The following EPB41L5 variants were observed in gnomAD, a reference collection of about 807,000 sequenced individuals.
EPB41L5 encodes band 4.1-like protein 5.
A neutral mutation model predicts 106.6 loss-of-function variants in EPB41L5; 55 were observed. The observed-to-expected ratio is 0.52, with a 90% confidence interval of 0.42 to 0.65. EPB41L5 has a LOEUF of 0.65. EPB41L5 is among the 30% of genes least tolerant of loss of function. EPB41L5 has a pLI of 0.00. For missense variants in EPB41L5, 871 were observed against 882.1 expected (o/e 0.99, Z 0.16); for synonymous variants, 297 against 306.7 (o/e 0.97, Z 0.33).
intron 16 of EPB41L5, among the ~76,000 whole-genome samples, chr2:120,122,636 T>C (rs1685273789): frequency 6.6e-6 from 1 of 152,226 alleles, no homozygotes; most frequent in African/African-American, 2.4e-5. Context: ...TTCTTTTTGC[T>C]TAGGATTGTC....
At chr2:120,112,701 G>C (rs535052308) in intron 16 of EPB41L5, among the ~76,000 whole-genome samples, 2 of 152,316 alleles carry the variant, frequency 1.3e-5, no homozygotes, top group South Asian at 4.1e-4. Context: ...CAGGAATGAT[G>C]AATCAGGTTT....
At chr2:120,161,080 A>C in intron 21 of EPB41L5, 106 bp downstream of exon 21, 1 of 797,496 alleles carries the variant, frequency 1.3e-6, no homozygotes, top group Non-Finnish European at 2.1e-6. Flanking sequence ...ACTGGGACTT[A>C]AGATGTGAGA....
intron 16 of EPB41L5, among the ~76,000 whole-genome samples, chr2:120,107,530 A>G (rs566981277): frequency 3.3e-5 from 5 of 152,214 alleles, no homozygotes; most frequent in Admixed American, 2.6e-4. Context: ...GCTTTTACAT[A>G]AGGGCTAGGA....
intron 2 of EPB41L5, among the ~76,000 whole-genome samples, chr2:120,030,505 C>T (rs1345433322): frequency 1.3e-5 from 2 of 152,160 alleles, no homozygotes; most frequent in Non-Finnish European, 1.5e-5. Flanking sequence ...CCATCTTCAA[C>T]CTGACCAGTC....
chr2:120,052,934 C>G (rs941458413), intron 3 of EPB41L5, among the ~76,000 whole-genome samples: 3 of 152,044 alleles, frequency 2.0e-5, no homozygotes, highest in Non-Finnish European at 2.9e-5. Flanking sequence ...ATTTGTAGTT[C>G]TCTTCTATAG....
chr2:120,164,880 G>A lies in EPB41L5; in HGVS notation c.1932G>A (p.Glu644=), dbSNP rs1265207411. 1.2e-6 allele frequency: 2 copies of A among 1,611,266 alleles called. No individual in the cohort carries two copies. Among genetic ancestry groups the A allele is most frequent in the Non-Finnish European group, 1.7e-6 (2 of 1,178,798 alleles). The part of the protein sequence containing the change: ...ELDALLASLT[E]NLIDHTVAPQ... ...ATGCCTTGCTTGCATCTCTAACTGA[G>A]AATCTAATTGATCACACAGTTGCAC... Residue 644 remains glutamate (E), a synonymous_variant, in exon 22 of 25, where the codon GAG becomes GAA. Transcript: ENST00000263713.
At chr2:120,017,711 T>C (rs546670856) in intron 1 of EPB41L5, among the ~76,000 whole-genome samples, 2 of 152,334 alleles carry the variant, frequency 1.3e-5, no homozygotes, top group Non-Finnish European at 2.9e-5. Context: ...TGACAAAACT[T>C]AGGAAATTTG....
intron 20 of EPB41L5, 57 bp downstream of exon 20, chr2:120,146,346 T>G: frequency 1.1e-5 from 14 of 1,318,170 alleles, no homozygotes; most frequent in Non-Finnish European, 1.4e-5. Context: ...TTGTCTTTTT[T>G]TTCTTCTCAG....
intron 16 of EPB41L5, among the ~76,000 whole-genome samples, chr2:120,103,339 C>G (rs1297082972): frequency 3.3e-5 from 5 of 152,102 alleles, no homozygotes; most frequent in African/African-American, 9.7e-5. Flanking sequence ...TTCTATAGGC[C>G]TTTTCTATAG....
chr2:120,110,263 C>CCTTCTAACACGCCATTGT (rs1447546118), intron 16 of EPB41L5, among the ~76,000 whole-genome samples: 5 of 152,176 alleles, frequency 3.3e-5, no homozygotes, highest in Admixed American at 1.3e-4. Context: ...TTCTAACCTC[C>CCTTCTAACACGCCATTGT]CTTCTAACAC....
At chr2:120,082,838 G>T (rs4849818) in intron 10 of EPB41L5, among the ~76,000 whole-genome samples, 94,416 of 151,878 alleles carry the variant, frequency 0.62, 31,115 homozygotes, top group Middle Eastern at 0.74. Context: ...TCTTGGGAGG[G>T]TGTATGTGTC....
rs1214961177 is a variant in EPB41L5, at chr2:120,019,253, G to A, written c.169G>A (p.Val57Met). The change falls in exon 2 of 25, where the codon GTG (valine) becomes ATG (methionine). Residue 57 changes from valine (V) to methionine (M), a missense_variant. By Grantham distance (21) the Val-to-Met change is conservative. Coordinates refer to ENST00000263713, the MANE Select transcript of EPB41L5 (RefSeq NM_020909.4). ...CCTTCTGGATGGTACTGATGTTAGT[G>A]TGGACTTGCCAGTAAGTAGGTCTTG... ...VSLLDGTDVS[V>M]DLPKKAKGQE... is the part of the protein sequence containing the mutation. 4 of 1,608,322 alleles carry A rather than the reference G, an allele frequency of 2.5e-6. No homozygotes were observed. The African/African-American group carries it at 4.0e-5, about 16-fold the overall frequency.
chr2:120,127,595 TGTG>T lies in EPB41L5; in HGVS notation c.1338-88_1338-86del, dbSNP rs1436158455. ...ATTCATGGTTGCTTGAATTCACAGA[TGTG>T]GTGGAAATTGCAGATACAGAGGGTG... On this transcript the variant is annotated intron_variant, in intron 16 of 24. Coordinates refer to ENST00000263713, the MANE Select transcript of EPB41L5 (RefSeq NM_020909.4). 6.3e-6 allele frequency: 6 copies of T among 954,782 alleles called. No individual in the cohort carries two copies. The Admixed American group carries it at 7.7e-5, about 12-fold the overall frequency. 59.1% of individuals were successfully genotyped at this position (954,782 alleles called of 1,614,324 possible). A position where few individuals can be genotyped will look rare whatever the true frequency, so the allele number is the denominator to read the frequency against.
chr2:120,025,368 A>G (rs1678232516), intron 2 of EPB41L5, among the ~76,000 whole-genome samples: 1 of 151,590 alleles, frequency 6.6e-6, no homozygotes. Context: ...CATTGTGTCT[A>G]TTTGATTTTT....
chr2:120,089,968 C>T (rs904196721), intron 11 of EPB41L5, among the ~76,000 whole-genome samples: 1 of 151,992 alleles, frequency 6.6e-6, no homozygotes, highest in African/African-American at 2.4e-5. Context: ...TAATTAGACT[C>T]ATGGCAGTGT....
chr2:120,084,648 T>G (rs1224056872), intron 10 of EPB41L5, among the ~76,000 whole-genome samples: 3 of 152,160 alleles, frequency 2.0e-5, no homozygotes, highest in Non-Finnish European at 4.4e-5. Context: ...GTTCTCTGTA[T>G]TTCCTGAATT....
At chr2:120,065,515 CTT>C (rs11373500) in intron 3 of EPB41L5, among the ~76,000 whole-genome samples, 7 of 139,902 alleles carry the variant, frequency 5.0e-5, no homozygotes, top group African/African-American at 7.9e-5. Context: ...TTAGATTGTT[CTT>C]TTTTTTTTTT....
At chr2:120,107,650 T>C (rs1684528338) in intron 16 of EPB41L5, among the ~76,000 whole-genome samples, 1 of 152,202 alleles carries the variant, frequency 6.6e-6, no homozygotes. Flanking sequence ...CCTTTCTAGA[T>C]ACTATGAATC....
At chr2:120,075,655 A>C (rs2105324602) in intron 6 of EPB41L5, 46 bp from the exon 7 acceptor site, 2 of 1,513,830 alleles carry the variant, frequency 1.3e-6, no homozygotes, top group Middle Eastern at 3.4e-4. Context: ...CTTAAAATGA[A>C]GGTTATGAAA....
Sources: allele counts gnomAD v4.1 joint callset (sites outside exome capture counted in the v4.1 genomes callset), GRCh38; gene constraint gnomAD v4.1.1; transcripts MANE v1.5; gene names NCBI Gene and HGNC (gene_info 2026-07-23, HGNC 2026-07-21).